TUSC3: variants seen among roughly 807,000 people sequenced by gnomAD.
The protein encoded by TUSC3 is tumor suppressor candidate 3.
In TUSC3, 45 loss-of-function variants were observed where a neutral mutation model predicts 44.8. That is an observed-to-expected ratio of 1.00 (90% CI 0.79 to 1.29). The LOEUF (loss-of-function observed/expected upper bound fraction) is 1.29. Ranked by LOEUF, TUSC3 falls within the 50% of genes most tolerant of loss-of-function variation. The pLI, the probability that TUSC3 is intolerant of heterozygous loss-of-function variation, is 0.00. For synonymous variants in TUSC3, 212 were observed against 152.9 expected (o/e 1.39, Z -2.85); for missense variants, 519 against 437.9 (o/e 1.19, Z -1.65).
chr8:15,430,315 T>C (rs1334006380), intron 1 of TUSC3, among the ~76,000 whole-genome samples: 1 of 149,668 alleles, frequency 6.7e-6, no homozygotes, highest in Non-Finnish European at 1.5e-5. Context: ...GAGGCAAGGC[T>C]GGTTCAACAT....
At chr8:15,649,828 C>CT (rs1303004926) in intron 2 of TUSC3, among the ~76,000 whole-genome samples, 1 of 152,034 alleles carries the variant, frequency 6.6e-6, no homozygotes, top group Non-Finnish European at 1.5e-5. Flanking sequence ...TAGGTTGTAC[C>CT]TTTTTATTTC....
At chr8:15,695,909 G>T (rs1034806492) in intron 6 of TUSC3, among the ~76,000 whole-genome samples, 1 of 152,176 alleles carries the variant, frequency 6.6e-6, no homozygotes, top group Admixed American at 6.5e-5. Context: ...AAGCATTCAA[G>T]AAGTGAGGTG....
Position 15,743,599 on chromosome 8 carries a change from T to G in TUSC3, c.924T>G (p.Val308=), listed in dbSNP as rs745932213. Residue 308 remains valine, a synonymous_variant, in exon 8 of 11, where the codon GTT becomes GTG. Coordinates refer to ENST00000503731, the MANE Select transcript of TUSC3 (RefSeq NM_006765.4). ...AAGCAGCAACTTCGAAAGGCGATGTTGGAAAAAGACGGAGTAAGTCTCTGT... is the reference window on the plus strand; with the variant it reads ...AAGCAGCAACTTCGAAAGGCGATGTGGGAAAAAGACGGAGTAAGTCTCTGT... ...LNEAATSKGD[V]GKRRIICLVG... 6 of 1,613,834 alleles carry G rather than the reference T, an allele frequency of 3.7e-6. No homozygotes were observed. In the African/African-American group the frequency reaches 5.3e-5, roughly 14 times the overall value.
intron 1 of TUSC3, among the ~76,000 whole-genome samples, chr8:15,550,526 G>A (rs1327262078): frequency 1.3e-5 from 2 of 151,602 alleles, no homozygotes; most frequent in Admixed American, 6.6e-5. Context: ...GTATTCTCAT[G>A]CTCCATTATC....
At chr8:15,673,136 A>G (rs1178298097) in intron 5 of TUSC3, among the ~76,000 whole-genome samples, 1 of 152,088 alleles carries the variant, frequency 6.6e-6, no homozygotes, top group Non-Finnish European at 1.5e-5. Flanking sequence ...GATCTTCAAT[A>G]TTAGTTTTCC....
intron 1 of TUSC3, among the ~76,000 whole-genome samples, chr8:15,558,859 T>G (rs1045703632): frequency 4.6e-5 from 7 of 150,940 alleles, no homozygotes; most frequent in African/African-American, 1.5e-4. Flanking sequence ...GATATCCCCT[T>G]TATCATTTTT....
At chr8:15,814,231 G>C in the TUSC3 span, among the ~76,000 whole-genome samples, 1 of 152,144 alleles carries the variant, frequency 6.6e-6, no homozygotes, top group South Asian at 2.1e-4. Context: ...CTGTGATTGA[G>C]TGTATGTGTG....
chr8:15,519,532 G>T (rs1004268568), intron 2 of TUSC3, among the ~76,000 whole-genome samples: 2 of 152,146 alleles, frequency 1.3e-5, no homozygotes, highest in South Asian at 2.1e-4. Flanking sequence ...TATGACCTGG[G>T]CTCCTCCTCC....
intron 3 of TUSC3, among the ~76,000 whole-genome samples, chr8:15,656,757 A>T (rs1342561912): frequency 6.6e-6 from 1 of 152,184 alleles, no homozygotes; most frequent in Non-Finnish European, 1.5e-5. Flanking sequence ...ATTCTTTACA[A>T]TGGCTCTGCC....
chr8:15,463,583 C>T (rs566445567), intron 1 of TUSC3, among the ~76,000 whole-genome samples: 1 of 152,248 alleles, frequency 6.6e-6, no homozygotes, highest in East Asian at 1.9e-4. Context: ...TCTAGTGGCT[C>T]TTCATATTGT....
intron 1 of TUSC3, among the ~76,000 whole-genome samples, chr8:15,595,935 A>G (rs998653423): frequency 6.6e-6 from 1 of 152,192 alleles, no homozygotes; most frequent in Non-Finnish European, 1.5e-5. Context: ...GATTTGACCA[A>G]TTGAATAGTA....
At chr8:15,817,289 T>C in the TUSC3 span, among the ~76,000 whole-genome samples, 1 of 151,684 alleles carries the variant, frequency 6.6e-6, no homozygotes, top group Non-Finnish European at 1.5e-5. Flanking sequence ...CCACTTACTC[T>C]CTCCACCACC....
At chr8:15,514,194 C>G (rs76534385) in intron 2 of TUSC3, among the ~76,000 whole-genome samples, 3,283 of 152,150 alleles carry the variant, frequency 0.022, 134 homozygotes, top group African/African-American at 0.074. Context: ...CTAGTAATTA[C>G]GTAGATACCC....
the TUSC3 span, among the ~76,000 whole-genome samples, chr8:15,836,729 T>C: frequency 6.6e-6 from 1 of 152,170 alleles, no homozygotes; most frequent in African/African-American, 2.4e-5. Flanking sequence ...ATATTGCCAA[T>C]TAAATACATG....
intron 9 of TUSC3, among the ~76,000 whole-genome samples, chr8:15,751,465 T>C (rs1811700266): frequency 6.6e-6 from 1 of 152,144 alleles, no homozygotes. Context: ...CCCACCTATA[T>C]ATACTACCGG....
chr8:15,777,613 T>C, the TUSC3 span, among the ~76,000 whole-genome samples: 3 of 152,202 alleles, frequency 2.0e-5, no homozygotes, highest in East Asian at 1.9e-4. Context: ...CCTTTACTTT[T>C]TGAAATTTTT....
chr8:15,620,464 A>T (rs1291364825), intron 1 of TUSC3, among the ~76,000 whole-genome samples: 2 of 152,210 alleles, frequency 1.3e-5, no homozygotes, highest in African/African-American at 4.8e-5. Context: ...AGTATTAAAC[A>T]TGACTGTGTA....
Position 15,499,766 on chromosome 8 carries a change from C to G in TUSC3, n.189+16283C>G, listed in dbSNP as rs1312839047. On this transcript the variant is annotated intron_variant and non_coding_transcript_variant, in intron 2 of 5. Coordinates refer to the TUSC3 transcript ENST00000503191. ...CCTATCTTTGAGCTGAGACATCAGTCTTCTCCCTACACCATTAATGTTCTT... is the reference window on the plus strand; with the variant it reads ...CCTATCTTTGAGCTGAGACATCAGTGTTCTCCCTACACCATTAATGTTCTT... 3.3e-5 allele frequency among the ~76,000 whole-genome samples: 5 copies of G among 152,064 alleles called. No individual in the cohort carries two copies. In the South Asian group the frequency reaches 1.0e-3, roughly 32 times the overall value.
At chr8:15,490,469 A>T (rs1027570038) in intron 2 of TUSC3, among the ~76,000 whole-genome samples, 1 of 152,006 alleles carries the variant, frequency 6.6e-6, no homozygotes, top group Non-Finnish European at 1.5e-5. Flanking sequence ...AGCCCCTCCC[A>T]TTGGGTGCAC....
Sources: allele counts gnomAD v4.1 joint callset (sites outside exome capture counted in the v4.1 genomes callset), GRCh38; gene constraint gnomAD v4.1.1; transcripts MANE v1.5; gene names NCBI Gene and HGNC (gene_info 2026-07-23, HGNC 2026-07-21).